The following PTPRN2 variants were observed in gnomAD, a reference collection of about 807,000 sequenced individuals.
PTPRN2 encodes the protein protein tyrosine phosphatase receptor type N2, also known as receptor-type tyrosine-protein phosphatase N2.
In PTPRN2, 74 loss-of-function variants were observed where a neutral mutation model predicts 118.8. That is an observed-to-expected ratio of 0.62 (90% CI 0.52 to 0.76). The LOEUF (loss-of-function observed/expected upper bound fraction) is 0.76. Among genes scored for constraint, PTPRN2 ranks in the 30% least tolerant of loss-of-function variants. The probability of loss-of-function intolerance (pLI) is 0.00; values close to 1 mark genes in which losing one functional copy is unlikely to be tolerated. For missense variants in PTPRN2, 1,481 were observed against 1,394.4 expected, an observed-to-expected ratio of 1.06 and a Z score of -0.99; for synonymous variants, 641 against 608.0, an observed-to-expected ratio of 1.05 and a Z score of -0.80.
intron 12 of PTPRN2, among the ~76,000 whole-genome samples, chr7:157,836,193 G>A (rs942465175): frequency 8.5e-5 from 13 of 152,298 alleles, no homozygotes; most frequent in African/African-American, 2.2e-4. Flanking sequence ...AGATGCTATC[G>A]TTTGCCCTAA....
chr7:158,043,952 C>A (rs992812794), intron 11 of PTPRN2, among the ~76,000 whole-genome samples: 3 of 152,208 alleles, frequency 2.0e-5, no homozygotes, highest in Admixed American at 2.0e-4. Flanking sequence ...ACGCTGACCA[C>A]GTCACTCGAC....
intron 4 of PTPRN2, among the ~76,000 whole-genome samples, chr7:158,193,161 C>T (rs557035508): frequency 1.3e-5 from 2 of 152,322 alleles, no homozygotes; most frequent in East Asian, 1.9e-4. Context: ...GGACGCTTCC[C>T]GTGGGCAGAC....
At chr7:158,193,859 C>T (rs192128649) in intron 4 of PTPRN2, among the ~76,000 whole-genome samples, 1 of 148,980 alleles carries the variant, frequency 6.7e-6, no homozygotes, top group Non-Finnish European at 1.5e-5. Flanking sequence ...AGAACACCTG[C>T]GTGAGTGACT....
At chr7:157,848,304 G>A (rs1809022668) in intron 12 of PTPRN2, among the ~76,000 whole-genome samples, 1 of 149,398 alleles carries the variant, frequency 6.7e-6, no homozygotes, top group Non-Finnish European at 1.5e-5. Flanking sequence ...CATCGTGTGT[G>A]CCTGATGTTT....
chr7:158,504,401 A>C (rs1216795251), intron 1 of PTPRN2, among the ~76,000 whole-genome samples: 1 of 151,308 alleles, frequency 6.6e-6, no homozygotes, highest in Non-Finnish European at 1.5e-5. Context: ...CCATGTGTCC[A>C]TGTGCTCCCG....
At chr7:158,179,799 T>C (rs1450748930) in intron 5 of PTPRN2, among the ~76,000 whole-genome samples, 1 of 152,194 alleles carries the variant, frequency 6.6e-6, no homozygotes, top group Non-Finnish European at 1.5e-5. Context: ...CAATATGCCA[T>C]GTCAGTTTAC....
chr7:158,548,787 G>T (rs888987142), intron 1 of PTPRN2, among the ~76,000 whole-genome samples: 1 of 152,210 alleles, frequency 6.6e-6, no homozygotes, highest in Non-Finnish European at 1.5e-5. Flanking sequence ...GCCTCTAGAG[G>T]GGAGGCAGGA....
chr7:158,397,612 C>A (rs888766384), intron 2 of PTPRN2, among the ~76,000 whole-genome samples: 6 of 152,142 alleles, frequency 3.9e-5, no homozygotes, highest in Admixed American at 3.9e-4. Context: ...AATGTCATAC[C>A]ATTTGGGCAG....
At position 158,188,216 on chromosome 7, in the gene PTPRN2, GA is replaced by G. The variant is rs1463755477; in HGVS notation, c.549+4110del. ...GGGAAGGCCGCCACGCTCGCCGCCT[GA>G]TGGGGAAGGCCGCCACGCTTGCCCC... On this transcript the variant is annotated intron_variant, in intron 5 of 22. Transcript: ENST00000389418. Among the ~76,000 whole-genome samples, 180 of 43,304 alleles carry G rather than the reference GA, an allele frequency of 4.2e-3. 30 individuals carry two copies. The highest frequency in any genetic ancestry group is 0.031 in the Middle Eastern group (2 of 64). The allele number at this position is 43,304 out of a possible 152,430, so 28.4% of individuals were successfully genotyped here.
At chr7:157,767,830 C>T (rs1802574647) in intron 12 of PTPRN2, among the ~76,000 whole-genome samples, 1 of 152,242 alleles carries the variant, frequency 6.6e-6, no homozygotes, top group Admixed American at 6.5e-5. Flanking sequence ...CAGAAACTTC[C>T]AGCTCTGTGC....
At chr7:157,795,895 C>A (rs1364750502) in intron 12 of PTPRN2, among the ~76,000 whole-genome samples, 5 of 152,254 alleles carry the variant, frequency 3.3e-5, no homozygotes, top group African/African-American at 1.2e-4. Context: ...GCAGAACAAA[C>A]ACATGTGATG....
intron 5 of PTPRN2, among the ~76,000 whole-genome samples, chr7:158,189,095 A>G (rs890588554): frequency 6.6e-6 from 1 of 152,192 alleles, no homozygotes; most frequent in Admixed American, 6.5e-5. Context: ...AATGGCTCAT[A>G]GCACGAATTG....
At chr7:157,565,415 C>G (rs1799436713) in intron 21 of PTPRN2, among the ~76,000 whole-genome samples, 1 of 152,274 alleles carries the variant, frequency 6.6e-6, no homozygotes, top group Admixed American at 6.5e-5. Context: ...TCACTCTGCA[C>G]CTTGTCAACA....
chr7:158,319,476 GCACAGCCTCCCTCACACTCA>G (rs1802668660), intron 2 of PTPRN2, among the ~76,000 whole-genome samples: 1 of 35,608 alleles, frequency 2.8e-5, no homozygotes, highest in Admixed American at 3.3e-4. Flanking sequence ...TCACACACAA[GCACAGCCTCCCTCACACTCA>G]CACAGCCTCC....
At chr7:158,197,032 G>A (rs973071513) in intron 4 of PTPRN2, among the ~76,000 whole-genome samples, 2 of 152,178 alleles carry the variant, frequency 1.3e-5, no homozygotes, top group South Asian at 2.1e-4. Flanking sequence ...ACATGTATGT[G>A]TGTGTGTGTG....
intron 5 of PTPRN2, among the ~76,000 whole-genome samples, chr7:158,185,969 G>A (rs1825096764): frequency 6.6e-6 from 1 of 151,660 alleles, no homozygotes; most frequent in Admixed American, 6.6e-5. Context: ...GCCACATGGG[G>A]CACTCCATAG....
intron 11 of PTPRN2, among the ~76,000 whole-genome samples, chr7:157,931,809 C>A (rs1585037962): frequency 6.6e-6 from 1 of 152,084 alleles, no homozygotes; most frequent in Non-Finnish European, 1.5e-5. Context: ...CAGGGCGGGG[C>A]AACATGGCAG....
intron 1 of PTPRN2, among the ~76,000 whole-genome samples, chr7:158,557,849 C>G (rs556337300): frequency 6.6e-6 from 1 of 152,366 alleles, no homozygotes; most frequent in South Asian, 2.1e-4. Flanking sequence ...CCGTGGTCCA[C>G]TCTCCTAGTG....
At chr7:158,171,528 T>C (rs1823703995) in intron 5 of PTPRN2, among the ~76,000 whole-genome samples, 1 of 151,590 alleles carries the variant, frequency 6.6e-6, no homozygotes, top group Non-Finnish European at 1.5e-5. Context: ...TTTCTGCATT[T>C]TTAGTAGAGA....
Sources: allele counts gnomAD v4.1 joint callset (sites outside exome capture counted in the v4.1 genomes callset), GRCh38; gene constraint gnomAD v4.1.1; transcripts MANE v1.5; gene names NCBI Gene and HGNC (gene_info 2026-07-23, HGNC 2026-07-21).